Variants in SLC8A2 observed in about 807,000 individuals in gnomAD.
SLC8A2 encodes solute carrier family 8 member A2, also known as sodium/calcium exchanger 2.
Under a neutral mutation model 70.2 loss-of-function variants are expected in SLC8A2, and 14 were observed. That is an observed-to-expected ratio of 0.20 (90% CI 0.13 to 0.31). SLC8A2 has a LOEUF of 0.31. SLC8A2 is among the 10% of genes least tolerant of loss of function. SLC8A2 has a pLI of 1.00. For missense variants in SLC8A2, 779 were observed against 1,320.1 expected (o/e 0.59, Z 6.35); for synonymous variants, 575 against 594.3 (o/e 0.97, Z 0.47).
intron 8 of SLC8A2, among the ~76,000 whole-genome samples, chr19:47,435,433 C>A (rs1967014952): frequency 6.6e-6 from 1 of 152,122 alleles, no homozygotes. Context: ...CCACTAAGTC[C>A]CCAGAGGAAG....
intron 6 of SLC8A2, among the ~76,000 whole-genome samples, chr19:47,438,646 C>G (rs995768137): frequency 2.2e-4 from 33 of 152,120 alleles, no homozygotes; most frequent in African/African-American, 7.7e-4. Context: ...TAACTCTGAG[C>G]TGGACTCTCA....
rs913331070 is a variant in SLC8A2, at chr19:47,468,973, G to A, written c.-16-2554C>T. ...CCAGGGGCTTCCATTTGCTTGAAAA[G>A]TTCTTCTGAGAGTCTAACCCACAGC... On this transcript the variant is annotated intron_variant, in intron 1 of 9. Transcript: ENST00000236877. The surrounding 1 kb of genome is among the most constrained non-coding windows in gnomAD (Gnocchi z 5.1). Among the ~76,000 whole-genome samples the A allele has an allele frequency of 6.6e-6, 1 of 152,058 alleles. No individual in the cohort carries two copies. The highest frequency in any genetic ancestry group is 2.4e-5 in the African/African-American group (1 of 41,356).
intron 6 of SLC8A2, 94 bp from the exon 7 acceptor site, chr19:47,438,067 C>A (rs1230111511): frequency 4.0e-6 from 6 of 1,506,234 alleles, no homozygotes; most frequent in Non-Finnish European, 5.5e-6. Flanking sequence ...TAGAGAAAGC[C>A]TATCTGTTCT....
chr19:47,431,682 A>C (rs1459382545), intron 9 of SLC8A2, among the ~76,000 whole-genome samples: 10 of 27,438 alleles, frequency 3.6e-4, no homozygotes, highest in Admixed American at 6.8e-4. Flanking sequence ...AAAAAAAAAC[A>C]AAACCCAAAA....
At chr19:47,469,112 C>CTGTG (rs72382596) in intron 1 of SLC8A2, among the ~76,000 whole-genome samples, 59 of 128,732 alleles carry the variant, frequency 4.6e-4, no homozygotes, top group Admixed American at 8.1e-4. Flanking sequence ...AGGAGCATGC[C>CTGTG]TGTGTGCGTG....
chr19:47,454,711 A>AGAGAAGTGATGAGGGCAGAGAGGG (rs1335581305), intron 3 of SLC8A2, among the ~76,000 whole-genome samples: 4 of 151,998 alleles, frequency 2.6e-5, no homozygotes, highest in Non-Finnish European at 4.4e-5. Flanking sequence ...AGCGCTGGAA[A>AGAGAAGTGATGAGGGCAGAGAGGG]GAGAAGTGAT....
intron 1 of SLC8A2, among the ~76,000 whole-genome samples, chr19:47,467,470 C>A (rs759143660): frequency 3.9e-5 from 6 of 152,090 alleles, no homozygotes; most frequent in Non-Finnish European, 8.8e-5. Flanking sequence ...CATGTCCCTC[C>A]CCAAGGTGGT....
Position 47,430,264 on chromosome 19 carries a change from A to G in SLC8A2, c.2591T>C (p.Val864Ala), listed in dbSNP as rs768939203. ...TLAFSVTLFTVFAFVGIAVLL... is the reference protein window; with the variant it reads ...TLAFSVTLFTAFAFVGIAVLL... ...CACGGCAATGCCCACGAAGGCGAAG[A>G]CGGTGAAGAGCGTGACGGAGAAGGC... The change falls in exon 10 of 10, where the codon GTC becomes GCC. Residue 864 changes from valine to alanine, a missense_variant. Transcript: ENST00000236877. This position sits in a 1 kb window ranked among gnomAD's most constrained non-coding sequence, Gnocchi z 5.9. 6.2e-7 allele frequency: 1 copy of G among 1,612,594 alleles called. No individual in the cohort carries two copies. The highest frequency in any genetic ancestry group is 1.7e-5 in the Admixed American group (1 of 59,904).
intron 4 of SLC8A2, among the ~76,000 whole-genome samples, chr19:47,446,030 C>T (rs1967157309): frequency 6.6e-6 from 1 of 152,102 alleles, no homozygotes; most frequent in South Asian, 2.1e-4. Context: ...GACGCAGAGA[C>T]CCAGAGAGAG....
At chr19:47,467,545 G>C (rs1440111062) in intron 1 of SLC8A2, among the ~76,000 whole-genome samples, 1 of 152,074 alleles carries the variant, frequency 6.6e-6, no homozygotes, top group Admixed American at 6.5e-5. Context: ...CTCTATAAGT[G>C]GTGCAGTTCC....
intron 8 of SLC8A2, among the ~76,000 whole-genome samples, chr19:47,437,189 C>G (rs1485150505): frequency 6.8e-6 from 1 of 146,102 alleles, no homozygotes; most frequent in African/African-American, 2.7e-5. Flanking sequence ...TTCTGTGTGT[C>G]TCTCTCTCCT....
At position 47,465,379 on chromosome 19, in the gene SLC8A2, C is replaced by T. The variant is rs1162759019; in HGVS notation, c.675+350G>A. On this transcript the variant is annotated intron_variant, in intron 2 of 9. Transcript: ENST00000236877. This position sits in a 1 kb window ranked among gnomAD's most constrained non-coding sequence, Gnocchi z 5.5. ...TGCATTACACAGATCACAGGGGCTC[C>T]GTTAGTACATACAACACCCTTTTGG... 3.3e-5 allele frequency among the ~76,000 whole-genome samples: 5 copies of T among 152,204 alleles called. No homozygotes were observed. Among genetic ancestry groups the T allele is most frequent in the East Asian group, 1.9e-4 (1 of 5,198 alleles).
chr19:47,470,762 C>T (rs1385485326), intron 1 of SLC8A2, among the ~76,000 whole-genome samples: 2 of 152,188 alleles, frequency 1.3e-5, no homozygotes, highest in Non-Finnish European at 2.9e-5. Context: ...CTGGTCTCAT[C>T]TCTACTACAG....
chr19:47,455,201 G>A (rs1353585486), intron 3 of SLC8A2, among the ~76,000 whole-genome samples: 1 of 152,118 alleles, frequency 6.6e-6, no homozygotes, highest in African/African-American at 2.4e-5. Context: ...GGAAGAGAAG[G>A]GTTAAAGGGA....
chr19:47,470,136 C>T (rs986545176), intron 1 of SLC8A2, among the ~76,000 whole-genome samples: 2 of 152,202 alleles, frequency 1.3e-5, no homozygotes, highest in Non-Finnish European at 2.9e-5. Context: ...CCAGCATGAG[C>T]GCAGGCGCTC....
Position 47,466,403 on chromosome 19 carries a change from T to TG in SLC8A2, c.-1dup. On this transcript the variant is annotated 5_prime_UTR_variant, in exon 2 of 10. Transcript: ENST00000236877. The surrounding 1 kb of genome is among the most constrained non-coding windows in gnomAD (Gnocchi z 6.9). ...ACCCCCACCAAGGCCAGGGGAGCCA[T>TG]GGGGGGTGGTGGGGTCCTATGGGGG... The TG allele has an allele frequency of 3.0e-6, 4 of 1,322,066 alleles. No homozygotes were observed. The highest frequency in any genetic ancestry group is 2.7e-4 in the Middle Eastern group (1 of 3,684). 81.9% of individuals were successfully genotyped at this position (1,322,066 alleles called of 1,614,324 possible).
In SLC8A2 at chr19:47,430,539, TC is replaced by T; in HGVS notation, c.2390-75del. 7.1e-7 allele frequency: 1 copy of T among 1,413,720 alleles called. No individual in the cohort carries two copies. The highest frequency in any genetic ancestry group is 9.3e-7 in the Non-Finnish European group (1 of 1,073,286). 87.6% of individuals were successfully genotyped at this position (1,413,720 alleles called of 1,614,324 possible). A position where few individuals can be genotyped will look rare whatever the true frequency, so the allele number is the denominator to read the frequency against. On this transcript the variant is annotated intron_variant, in intron 9 of 9. Transcript: ENST00000236877. The surrounding 1 kb of genome is among the most constrained non-coding windows in gnomAD (Gnocchi z 5.9). Reference sequence around the variant, plus strand: ...CAGGGGCGGGCATCCGCCTGCCCCCTCCCAGCCTTTCCCGGTCGCCTGCTTT... The same window carrying T: ...CAGGGGCGGGCATCCGCCTGCCCCCTCCAGCCTTTCCCGGTCGCCTGCTTT...
At chr19:47,459,204 TTC>T (rs71334204) in intron 2 of SLC8A2, among the ~76,000 whole-genome samples, 2 of 151,312 alleles carry the variant, frequency 1.3e-5, no homozygotes. Flanking sequence ...CTCCATCTCG[TTC>T]TCTCTCTCTC....
chr19:47,454,717 G>C (rs190731916), intron 3 of SLC8A2, among the ~76,000 whole-genome samples: 1 of 152,276 alleles, frequency 6.6e-6, no homozygotes, highest in Non-Finnish European at 1.5e-5. Flanking sequence ...GGAAAGAGAA[G>C]TGATGAGGGC....
Sources: allele counts gnomAD v4.1 joint callset (sites outside exome capture counted in the v4.1 genomes callset), GRCh38; gene constraint gnomAD v4.1.1; non-coding constraint Gnocchi (gnomAD v3.1); transcripts MANE v1.5; gene names NCBI Gene and HGNC (gene_info 2026-07-23, HGNC 2026-07-21).